The following TOLLIP variants were observed in gnomAD, a reference collection of about 807,000 sequenced individuals.
TOLLIP encodes the protein toll interacting protein.
Under a neutral mutation model 33.5 loss-of-function variants are expected in TOLLIP, and 16 were observed. The observed-to-expected ratio is 0.48, with a 90% CI of 0.32 to 0.72. TOLLIP has a LOEUF of 0.72. Among genes scored for constraint, TOLLIP ranks in the 30% least tolerant of loss-of-function variants. The pLI is 0.03. For missense variants in TOLLIP, 325 were observed against 396.6 expected, an observed-to-expected ratio of 0.82 and a Z score of 1.53; for synonymous variants, 176 against 163.7, an observed-to-expected ratio of 1.07 and a Z score of -0.57.
Position 1,290,155 on chromosome 11 carries a change from G to T in TOLLIP, c.366+72C>A. 1 of 1,514,532 alleles carries T rather than the reference G, an allele frequency of 6.6e-7. No homozygotes were observed. Among genetic ancestry groups the T allele is most frequent in the Non-Finnish European group, 9.0e-7 (1 of 1,108,876 alleles). 93.8% of individuals were successfully genotyped at this position (1,514,532 alleles called of 1,614,324 possible). On this transcript the variant is annotated intron_variant, in intron 3 of 5. Coordinates refer to ENST00000317204, the MANE Select transcript of TOLLIP (RefSeq NM_019009.4). The surrounding 1 kb of genome is among the most constrained non-coding windows in gnomAD (Gnocchi z 4.9). ...AGCCAGCCAGGAACGTGGCTGTGTT[G>T]GCAGGTGTGTCCCCACGGCAGCCAC...
At chr11:1,294,067 G>C (rs1864033201) in intron 2 of TOLLIP, among the ~76,000 whole-genome samples, 1 of 152,212 alleles carries the variant, frequency 6.6e-6, no homozygotes, top group Admixed American at 6.5e-5. Flanking sequence ...AAGCCGCGTG[G>C]CTCACAGTGT....
At chr11:1,305,115 T>C (rs190188684) in intron 1 of TOLLIP, among the ~76,000 whole-genome samples, 2 of 152,372 alleles carry the variant, frequency 1.3e-5, no homozygotes, top group Admixed American at 6.5e-5. Flanking sequence ...AAGAGGCCTT[T>C]ATCTTCCAAG....
intron 1 of TOLLIP, among the ~76,000 whole-genome samples, chr11:1,300,285 G>A (rs371085953): frequency 1.3e-5 from 2 of 152,154 alleles, no homozygotes; most frequent in East Asian, 1.9e-4. Context: ...CCCATGTGCC[G>A]CTCTCAGAGG....
In TOLLIP at chr11:1,309,543, G is replaced by A; in HGVS notation, c.-45C>T. 1.6e-6 allele frequency: 2 copies of A among 1,245,004 alleles called. No homozygotes were observed. Among genetic ancestry groups the A allele is most frequent in the Non-Finnish European group, 2.0e-6 (2 of 978,042 alleles). The allele number at this position is 1,245,004 out of a possible 1,614,324, so 77.1% of individuals were successfully genotyped here. ...TGGCTCGCCGACCCGACAGTGACGC[G>A]CCGGGCGACCTCCTGCGCCCCCGCC... On this transcript the variant is annotated 5_prime_UTR_variant, in exon 1 of 6. Coordinates refer to ENST00000317204, the MANE Select transcript of TOLLIP (RefSeq NM_019009.4).
intron 1 of TOLLIP, among the ~76,000 whole-genome samples, chr11:1,296,592 T>C (rs1285454787): frequency 7.1e-6 from 1 of 140,242 alleles, no homozygotes; most frequent in Admixed American, 7.1e-5. Context: ...GGAGGCCTGG[T>C]TGCTGGTGGA....
Position 1,303,174 on chromosome 11 carries a change from C to T in TOLLIP, c.33+6292G>A, listed in dbSNP as rs191787005. ...AAGCATAGATTATAAAAGCTGACTA[C>T]AGAACAAGCGACTTTAAATGGGGTC... On this transcript the variant is annotated intron_variant, in intron 1 of 5. Coordinates refer to ENST00000317204, the MANE Select transcript of TOLLIP (RefSeq NM_019009.4). This position sits in a 1 kb window ranked among gnomAD's most constrained non-coding sequence, Gnocchi z 4.2. Among the ~76,000 whole-genome samples, 8 of 152,306 alleles carry T rather than the reference C, an allele frequency of 5.3e-5. No individual in the cohort carries two copies. The highest frequency in any genetic ancestry group is 8.8e-5 in the Non-Finnish European group (6 of 68,030).
intron 2 of TOLLIP, among the ~76,000 whole-genome samples, chr11:1,292,385 T>C (rs764683709): frequency 6.6e-6 from 1 of 152,198 alleles, no homozygotes; most frequent in Non-Finnish European, 1.5e-5. Flanking sequence ...AAAGCCAGCT[T>C]TCTGGGTGGC....
At chr11:1,301,574 A>C (rs1050943745) in intron 1 of TOLLIP, among the ~76,000 whole-genome samples, 11 of 152,146 alleles carry the variant, frequency 7.2e-5, no homozygotes, top group Admixed American at 6.5e-5. Context: ...CAAACCCCAG[A>C]AGTTTCCTCC....
At position 1,276,486 on chromosome 11, in the gene TOLLIP, C is replaced by A. The variant is rs1369164381; in HGVS notation, c.*553G>T. The A allele has an allele frequency of 2.6e-6, 1 of 381,234 alleles. No individual in the cohort carries two copies. The highest frequency in any genetic ancestry group is 4.9e-6 in the Non-Finnish European group (1 of 204,420). 23.6% of individuals were successfully genotyped at this position (381,234 alleles called of 1,614,324 possible). ...AGGTGAGCCAGGCCAGAGGCCGGCC[C>A]CACACCATCCACAGGAAGCTGCTCA... On this transcript the variant is annotated 3_prime_UTR_variant, in exon 6 of 6. Coordinates refer to ENST00000317204, the MANE Select transcript of TOLLIP (RefSeq NM_019009.4).
chr11:1,281,689 C>T (rs952366065), intron 5 of TOLLIP, among the ~76,000 whole-genome samples: 7 of 152,270 alleles, frequency 4.6e-5, no homozygotes, highest in African/African-American at 1.4e-4. Context: ...TTGGCCAGGC[C>T]GCCCTGCGTG....
chr11:1,286,184 C>CGCCAGCCCAGAATCGCCCTCCCCAT, intron 4 of TOLLIP, 92 bp from the exon 5 acceptor site: 1 of 984,362 alleles, frequency 1.0e-6, no homozygotes, highest in African/African-American at 1.6e-5. Flanking sequence ...GCCCTCCCCA[C>CGCCAGCCCAGAATCGCCCTCCCCAT]GCCAGCCCAG....
intron 5 of TOLLIP, among the ~76,000 whole-genome samples, chr11:1,279,349 G>A (rs184409585): frequency 7.1e-4 from 108 of 152,352 alleles, no homozygotes; most frequent in Non-Finnish European, 1.5e-3. Flanking sequence ...GAGGCCATGT[G>A]CCTGGCCTGA....
chr11:1,305,372 C>T (rs1864397424), intron 1 of TOLLIP, among the ~76,000 whole-genome samples: 1 of 152,166 alleles, frequency 6.6e-6, no homozygotes, highest in Non-Finnish European at 1.5e-5. Context: ...GCCACTGGCT[C>T]AGACACACAG....
At chr11:1,284,176 C>T (rs1863603007) in intron 5 of TOLLIP, among the ~76,000 whole-genome samples, 1 of 152,170 alleles carries the variant, frequency 6.6e-6, no homozygotes. Flanking sequence ...CTCCCATGCT[C>T]GCCCCCGTTT....
At chr11:1,288,877 T>C in intron 3 of TOLLIP, 101 bp from the exon 4 acceptor site, 1 of 1,352,692 alleles carries the variant, frequency 7.4e-7, no homozygotes, top group Non-Finnish European at 1.0e-6. Flanking sequence ...CCGTCTTATC[T>C]GTGGAACAGG....
chr11:1,291,081 G>C (rs1465326998), intron 2 of TOLLIP: 1 of 152,504 alleles, frequency 6.6e-6, no homozygotes, highest in Non-Finnish European at 1.5e-5. Flanking sequence ...CTCGGGGTGG[G>C]AGTGAACGTG....
chr11:1,279,326 T>C lies in TOLLIP; in HGVS notation c.611-2073A>G, dbSNP rs575408206. ...GCAGTGGCCTGGCTCACTCCCCTCCTTCCTGCAGGGCAGAGGCCATGTGCC... is the reference window on the plus strand; with the variant it reads ...GCAGTGGCCTGGCTCACTCCCCTCCCTCCTGCAGGGCAGAGGCCATGTGCC... On this transcript the variant is annotated intron_variant, in intron 5 of 5. Transcript: ENST00000317204. 2.0e-5 allele frequency among the ~76,000 whole-genome samples: 3 copies of C among 152,340 alleles called. No homozygotes were observed. The East Asian group carries it at 5.8e-4, about 29-fold the overall frequency.
intron 1 of TOLLIP, among the ~76,000 whole-genome samples, chr11:1,296,749 G>A (rs1377361818): frequency 8.8e-6 from 1 of 113,674 alleles, no homozygotes; most frequent in Non-Finnish European, 1.8e-5. Context: ...TGGAGGCCTG[G>A]TTGCTGGTGG....
intron 5 of TOLLIP, among the ~76,000 whole-genome samples, chr11:1,283,099 G>A (rs921550357): frequency 2.0e-5 from 3 of 152,230 alleles, no homozygotes; most frequent in Non-Finnish European, 4.4e-5. Flanking sequence ...GGCAGAGCCC[G>A]CCGTGAGGGA....
Sources: gnomAD v4.1 joint callset for allele counts (sites outside exome capture counted in the v4.1 genomes callset) on GRCh38, gnomAD v4.1.1 for gene constraint, Gnocchi (gnomAD v3.1) non-coding constraint, MANE v1.5 for transcripts, NCBI Gene and HGNC (gene_info 2026-07-23, HGNC 2026-07-21) for gene names.